Variants in GRM7 observed in about 807,000 individuals in gnomAD.
GRM7 encodes the protein glutamate metabotropic receptor 7.
In GRM7, 35 loss-of-function variants were observed where a neutral mutation model predicts 84.5. The ratio of observed to expected loss-of-function variants is 0.41; its 90% CI spans 0.32 to 0.55. The LOEUF is 0.55. Ranked by LOEUF, GRM7 falls within the 20% of genes least tolerant of loss-of-function variation. The pLI is 0.19. For missense variants in GRM7, 1,003 were observed against 1,194.6 expected (o/e 0.84, Z 2.36); for synonymous variants, 487 against 455.1 (o/e 1.07, Z -0.89).
chr3:7,548,765 G>A (rs1348596667), intron 7 of GRM7, among the ~76,000 whole-genome samples: 1 of 152,170 alleles, frequency 6.6e-6, no homozygotes, highest in Admixed American at 6.5e-5. Flanking sequence ...TCAGGAAGAG[G>A]CAAGTGTATG....
In GRM7 at chr3:7,579,049, C is replaced by G. The variant is rs1463442800; in HGVS notation, c.2143C>G (p.Leu715Val). ...ITSSLISVQL[L>V]GVFIWFGVDP... ...TTCCAGTTTAATATCAGTTCAGCTT[C>G]TAGGGGTGTTCATTTGGTTTGGTGT... The change falls in exon 8 of 10, where the codon CTA becomes GTA. Residue 715 changes from leucine to valine, a missense_variant. Around this residue, in one of 2 missense-constraint regions of GRM7, gnomAD observed 910 missense variants for 1,126.0 expected, o/e 0.81. Coordinates refer to ENST00000357716, the MANE Select transcript of GRM7 (RefSeq NM_000844.4). The G allele has an allele frequency of 4.3e-6, 7 of 1,614,008 alleles. No individual in the cohort carries two copies. In the South Asian group the frequency reaches 7.7e-5, roughly 18 times the overall value.
intron 1 of GRM7, among the ~76,000 whole-genome samples, chr3:7,045,063 A>C (rs530030033): frequency 5.3e-5 from 8 of 152,162 alleles, no homozygotes; most frequent in Non-Finnish European, 1.2e-4. Context: ...ATTCTGTGTT[A>C]ATGTGATGAA....
At chr3:7,469,617 A>C (rs1397943113) in intron 7 of GRM7, among the ~76,000 whole-genome samples, 1 of 152,126 alleles carries the variant, frequency 6.6e-6, no homozygotes, top group East Asian at 1.9e-4. Flanking sequence ...GAAGCATCAA[A>C]ACAGGAAAGG....
intron 4 of GRM7, among the ~76,000 whole-genome samples, chr3:7,408,241 C>T (rs1366134983): frequency 3.9e-5 from 6 of 151,958 alleles, no homozygotes; most frequent in Admixed American, 2.0e-4. Flanking sequence ...CATAAATGCC[C>T]TTCTGTTTCC....
At chr3:7,152,766 TTC>T (rs1694323979) in intron 2 of GRM7, among the ~76,000 whole-genome samples, 2 of 152,222 alleles carry the variant, frequency 1.3e-5, no homozygotes, top group Non-Finnish European at 2.9e-5. Context: ...TTACATCTAT[TTC>T]CATTGATAAA....
intron 4 of GRM7, among the ~76,000 whole-genome samples, chr3:7,343,104 C>T (rs903077774): frequency 6.6e-6 from 1 of 152,144 alleles, no homozygotes; most frequent in Admixed American, 6.5e-5. Flanking sequence ...TACCCAAATG[C>T]TCAGTGTATT....
At chr3:7,399,814 G>A (rs1359526608) in intron 4 of GRM7, among the ~76,000 whole-genome samples, 1 of 152,180 alleles carries the variant, frequency 6.6e-6, no homozygotes, top group African/African-American at 2.4e-5. Flanking sequence ...CCTTCCTGCT[G>A]TGAGTAGAAG....
chr3:7,493,862 AT>A (rs1699609459), intron 7 of GRM7, among the ~76,000 whole-genome samples: 1 of 152,066 alleles, frequency 6.6e-6, no homozygotes, highest in Non-Finnish European at 1.5e-5. Context: ...TGTTCTGGGT[AT>A]TAAAATATAT....
chr3:6,967,245 T>C (rs893530215), intron 1 of GRM7, among the ~76,000 whole-genome samples: 1 of 152,116 alleles, frequency 6.6e-6, no homozygotes, highest in African/African-American at 2.4e-5. Flanking sequence ...CTGGAATGCA[T>C]TGACACAATC....
intron 1 of GRM7, among the ~76,000 whole-genome samples, chr3:7,141,598 A>G (rs577272413): frequency 6.6e-6 from 1 of 152,212 alleles, no homozygotes; most frequent in Non-Finnish European, 1.5e-5. Context: ...GCTAATAAGG[A>G]AAATTAAAAA....
intron 7 of GRM7, among the ~76,000 whole-genome samples, chr3:7,468,196 A>AGCAATCAAG (rs1226000571): frequency 1.3e-5 from 2 of 152,356 alleles, no homozygotes; most frequent in East Asian, 3.9e-4. Context: ...ATGTAATAGC[A>AGCAATCAAG]GCAATCAAGG....
At chr3:6,897,382 C>G (rs1326374779) in intron 1 of GRM7, among the ~76,000 whole-genome samples, 1 of 152,126 alleles carries the variant, frequency 6.6e-6, no homozygotes, top group East Asian at 1.9e-4. Flanking sequence ...AACAAATGCT[C>G]CAGGTGACTT....
chr3:6,963,667 T>C (rs576291895), intron 1 of GRM7, among the ~76,000 whole-genome samples: 1 of 152,300 alleles, frequency 6.6e-6, no homozygotes, highest in South Asian at 2.1e-4. Flanking sequence ...TGTGTGTATA[T>C]GTTTAGCATT....
chr3:7,726,649 A>G (rs1252061844), intron 9 of GRM7, among the ~76,000 whole-genome samples: 2 of 103,590 alleles, frequency 1.9e-5, no homozygotes, highest in Non-Finnish European at 3.8e-5. Context: ...ATATATATAT[A>G]TATATATATA....
intron 1 of GRM7, among the ~76,000 whole-genome samples, chr3:7,077,803 G>T (rs1186259693): frequency 6.6e-6 from 1 of 152,048 alleles, no homozygotes; most frequent in Non-Finnish European, 1.5e-5. Flanking sequence ...AGTGACAAAT[G>T]GGAGCTATTA....
chr3:7,629,274 C>T (rs1019721615), intron 8 of GRM7, among the ~76,000 whole-genome samples: 20 of 152,320 alleles, frequency 1.3e-4, no homozygotes, highest in African/African-American at 4.8e-4. Context: ...GTATATTAGT[C>T]AGCTCAGTCT....
chr3:7,076,357 G>T (rs1247857181), intron 1 of GRM7, among the ~76,000 whole-genome samples: 1 of 152,140 alleles, frequency 6.6e-6, no homozygotes, highest in East Asian at 1.9e-4. Context: ...AAGGGCCTTG[G>T]TGGGAGGTGA....
chr3:7,583,029 G>A (rs953494052), intron 8 of GRM7, among the ~76,000 whole-genome samples: 1 of 152,070 alleles, frequency 6.6e-6, no homozygotes, highest in Admixed American at 6.5e-5. Flanking sequence ...AGAACCTTTG[G>A]GAATCAATTA....
chr3:7,453,572 G>A (rs573666813), intron 6 of GRM7, among the ~76,000 whole-genome samples: 1 of 152,168 alleles, frequency 6.6e-6, no homozygotes, highest in South Asian at 2.1e-4. Flanking sequence ...GAGATCCTAG[G>A]GCAAAGTCTG....
Sources: gnomAD v4.1 joint callset for allele counts (sites outside exome capture counted in the v4.1 genomes callset) on GRCh38, gnomAD v4.1.1 for gene constraint, gnomAD v4.1.1 regional missense constraint, MANE v1.5 for transcripts, NCBI Gene and HGNC (gene_info 2026-07-23, HGNC 2026-07-21) for gene names.